The following TRPC3 variants were observed in gnomAD, a reference collection of about 807,000 sequenced individuals.
The protein encoded by TRPC3 is short transient receptor potential channel 3.
Under a neutral mutation model 90.9 loss-of-function variants are expected in TRPC3, and 54 were observed. That is an observed-to-expected ratio of 0.59 (90% CI 0.48 to 0.75). The LOEUF is 0.75. TRPC3 is among the 30% of genes least tolerant of loss of function. TRPC3 has a pLI of 0.00. For synonymous variants in TRPC3, 424 were observed against 450.9 expected, an observed-to-expected ratio of 0.94 and a Z score of 0.75; for missense variants, 918 against 1,194.5, an observed-to-expected ratio of 0.77 and a Z score of 3.41.
chr4:121,906,861 C>A (rs1037936669), intron 7 of TRPC3, among the ~76,000 whole-genome samples: 2 of 152,100 alleles, frequency 1.3e-5, no homozygotes, highest in Non-Finnish European at 2.9e-5. Flanking sequence ...ACTGGTATTA[C>A]CATGATAGTG....
chr4:121,931,452 T>C (rs558333858), intron 2 of TRPC3, among the ~76,000 whole-genome samples: 10 of 152,126 alleles, frequency 6.6e-5, no homozygotes, highest in African/African-American at 2.2e-4. Flanking sequence ...TAGGAGGAGG[T>C]AGCAACTGAT....
rs180752883 is a variant in TRPC3 at position 121,875,406 on chromosome 4, A to G, written c.*4330T>C. ...TATGTTTTGTTTCTAAATGATTAGTAAAGATTTCAACCTACTAATTTTAAG... is the reference window on the plus strand; with the variant it reads ...TATGTTTTGTTTCTAAATGATTAGTGAAGATTTCAACCTACTAATTTTAAG... On this transcript the variant is annotated 3_prime_UTR_variant, in exon 12 of 12. Coordinates refer to ENST00000379645, the MANE Select transcript of TRPC3 (RefSeq NM_001130698.2). 6.1e-4 allele frequency among the ~76,000 whole-genome samples: 93 copies of G among 152,372 alleles called. No individual in the cohort carries two copies. Among genetic ancestry groups the G allele is most frequent in the Admixed American group, 3.6e-3 (55 of 15,306 alleles).
rs186094455 is a variant in TRPC3, at chr4:121,903,566, T to A, written c.2254-505A>T. On this transcript the variant is annotated intron_variant, in intron 8 of 11. Coordinates refer to ENST00000379645, the MANE Select transcript of TRPC3 (RefSeq NM_001130698.2). ...TTACCATATGTCCCCAAATGTCACA[T>A]AAGCCCCTGAGTGCCTGAACTTGTT... Among the ~76,000 whole-genome samples, 6 of 152,300 alleles carry A rather than the reference T, an allele frequency of 3.9e-5. No individual in the cohort carries two copies. The East Asian group carries it at 5.8e-4, about 15-fold the overall frequency.
chr4:121,908,313 C>T (rs1728959279), intron 6 of TRPC3, among the ~76,000 whole-genome samples: 2 of 152,142 alleles, frequency 1.3e-5, no homozygotes, highest in African/African-American at 4.8e-5. Flanking sequence ...GTGGAAAGCA[C>T]TTTGAAGATT....
intron 3 of TRPC3, among the ~76,000 whole-genome samples, chr4:121,921,992 C>A (rs1729536288): frequency 6.7e-6 from 1 of 149,154 alleles, no homozygotes; most frequent in African/African-American, 2.5e-5. Context: ...GATCTTGGCT[C>A]ACTACAAGCT....
chr4:121,885,273 G>A (rs1014933611), intron 10 of TRPC3, among the ~76,000 whole-genome samples: 2 of 152,124 alleles, frequency 1.3e-5, no homozygotes, highest in East Asian at 3.9e-4. Context: ...ATTCTATTAG[G>A]AAGCTTGTCT....
intron 4 of TRPC3, 121 bp downstream of exon 4, chr4:121,914,659 T>C (rs931019880): frequency 4.7e-6 from 5 of 1,073,376 alleles, no homozygotes; most frequent in Admixed American, 2.8e-5. Context: ...ATCTGTGTTC[T>C]TGAATCAATT....
intron 1 of TRPC3, among the ~76,000 whole-genome samples, chr4:121,946,308 A>G (rs544785023): frequency 1.5e-4 from 23 of 152,140 alleles, no homozygotes; most frequent in Non-Finnish European, 2.2e-4. Context: ...AAGCGGGGGG[A>G]AAAAAAGACC....
intron 3 of TRPC3, among the ~76,000 whole-genome samples, chr4:121,921,569 C>T (rs1356226817): frequency 2.7e-5 from 4 of 149,706 alleles, no homozygotes; most frequent in Non-Finnish European, 5.9e-5. Flanking sequence ...CATATGCGGC[C>T]AATATTGGCT....
Position 121,911,961 on chromosome 4 carries a change from C to T in TRPC3, c.1474G>A (p.Val492Ile). ...AAGATCTGTTTGGGATAGTCAGTAA[C>T]TGTGATATTGGGCAGCGTGGTGATG... ...EGITTLPNIT[V>I]TDYPKQIFRV... is the part of the protein sequence containing the mutation. Residue 492 changes from valine (V) to isoleucine (I), a missense_variant, in exon 5 of 12, where the codon GTT becomes ATT. Physicochemically the swap from Val to Ile is conservative, Grantham distance 29. This residue lies in a region of TRPC3 where 609 missense variants were observed against 725.9 expected (regional missense o/e 0.84). Transcript: ENST00000379645. 6.2e-7 allele frequency: 1 copy of T among 1,613,900 alleles called. No homozygotes were observed. The highest frequency in any genetic ancestry group is 2.2e-5 in the East Asian group (1 of 44,868).
chr4:121,907,611 C>A lies in TRPC3; in HGVS notation c.1793-44G>T, dbSNP rs768836131. ...GAGATTAAAAATGGAGCTTTCTATTCATTGCCAACTACGCAAAGCAAATAC... is the reference window on the plus strand; with the variant it reads ...GAGATTAAAAATGGAGCTTTCTATTAATTGCCAACTACGCAAAGCAAATAC... On this transcript the variant is annotated intron_variant, in intron 6 of 11. Transcript: ENST00000379645. The A allele has an allele frequency of 2.6e-6, 4 of 1,565,258 alleles. No homozygotes were observed. In the South Asian group the frequency reaches 3.6e-5, roughly 14 times the overall value.
At chr4:121,941,846 G>C (rs1434621305) in intron 1 of TRPC3, among the ~76,000 whole-genome samples, 1 of 152,092 alleles carries the variant, frequency 6.6e-6, no homozygotes, top group African/African-American at 2.4e-5. Context: ...GGGAAGAAGT[G>C]GAGTGGGGAC....
Position 121,879,540 on chromosome 4 carries a change from T to C in TRPC3, c.*196A>G. On this transcript the variant is annotated 3_prime_UTR_variant, in exon 12 of 12. Coordinates refer to ENST00000379645, the MANE Select transcript of TRPC3 (RefSeq NM_001130698.2). ...TTTTCAACACAATGGTATGCCACTGTAATGTCAAAGCAGACAAATAAAATG... is the reference window on the plus strand; with the variant it reads ...TTTTCAACACAATGGTATGCCACTGCAATGTCAAAGCAGACAAATAAAATG... 1.8e-6 allele frequency: 1 copy of C among 564,268 alleles called. No individual in the cohort carries two copies. The highest frequency in any genetic ancestry group is 2.0e-5 in the African/African-American group (1 of 50,474). 35.0% of individuals were successfully genotyped at this position (564,268 alleles called of 1,614,324 possible).
chr4:121,910,933 C>A (rs1006854599), intron 5 of TRPC3, among the ~76,000 whole-genome samples: 3 of 152,090 alleles, frequency 2.0e-5, no homozygotes, highest in Non-Finnish European at 4.4e-5. Context: ...AAAGATGAAA[C>A]CCTTAAGTGA....
chr4:121,943,933 T>A (rs909811949), intron 1 of TRPC3, among the ~76,000 whole-genome samples: 5 of 152,062 alleles, frequency 3.3e-5, no homozygotes, highest in Admixed American at 1.3e-4. Flanking sequence ...GGTTTTTTTT[T>A]AACTAGATAA....
Position 121,912,077 on chromosome 4 carries a change from C to T in TRPC3, c.1358G>A (p.Arg453Gln), listed in dbSNP as rs931680572. Reference sequence around the variant, plus strand: ...TGCTACAAACTTCATAAAAGGGCTTCGCAGAATTTTCCCCAGCTGTAACAA... The same window carrying T: ...TGCTACAAACTTCATAAAAGGGCTTTGCAGAATTTTCCCCAGCTGTAACAA... ...APCSRLGKIL[R>Q]SPFMKFVAHA... is the part of the protein sequence containing the mutation. The change falls in exon 5 of 12, where the codon CGA becomes CAA. Residue 453 changes from arginine (R) to glutamine (Q), a missense_variant. Arg to Gln is a conservative substitution (Grantham distance 43). This residue lies in a region of TRPC3 where 609 missense variants were observed against 725.9 expected (regional missense o/e 0.84). Coordinates refer to ENST00000379645, the MANE Select transcript of TRPC3 (RefSeq NM_001130698.2). 1.2e-5 allele frequency: 19 copies of T among 1,613,208 alleles called. No homozygotes were observed. Among genetic ancestry groups the T allele is most frequent in the South Asian group, 2.2e-5 (2 of 91,010 alleles).
Position 121,914,930 on chromosome 4 carries a change from G to C in TRPC3, c.1191C>G (p.Pro397=). 6.2e-7 allele frequency: 1 copy of C among 1,606,856 alleles called. No individual in the cohort carries two copies. The highest frequency in any genetic ancestry group is 1.7e-4 in the Middle Eastern group (1 of 6,026). Residue 397 remains proline (P), a synonymous_variant, in exon 4 of 12, where the codon CCC becomes CCG. Transcript: ENST00000379645. ...KYEVKKFVAH[P]NCQQQLLTIW... ...TCGTCAAGAGCTGCTGCTGGCAGTT[G>C]GGATGAGCCACAAACTATTGGGAGA...
intron 5 of TRPC3, 88 bp from the exon 6 acceptor site, chr4:121,910,475 T>G: frequency 3.1e-4 from 299 of 979,278 alleles, no homozygotes; most frequent in Non-Finnish European, 4.4e-4. Context: ...GTCACATCTC[T>G]ACCCTACACG....
intron 10 of TRPC3, among the ~76,000 whole-genome samples, chr4:121,898,535 G>A (rs1335136779): frequency 1.3e-5 from 2 of 152,174 alleles, no homozygotes; most frequent in East Asian, 3.8e-4. Flanking sequence ...CACCCCATCT[G>A]TGAAAAAATT....
Sources: gnomAD v4.1 joint callset for allele counts (sites outside exome capture counted in the v4.1 genomes callset) on GRCh38, gnomAD v4.1.1 for gene constraint, gnomAD v4.1.1 regional missense constraint, MANE v1.5 for transcripts, NCBI Gene and HGNC (gene_info 2026-07-23, HGNC 2026-07-21) for gene names.